UBE2H: variants seen among roughly 807,000 people sequenced by gnomAD.
UBE2H encodes the protein ubiquitin conjugating enzyme E2 H, also known as ubiquitin-conjugating enzyme E2 H.
Under a neutral mutation model 29.0 loss-of-function variants are expected in UBE2H, and 3 were observed. That is an observed-to-expected ratio of 0.10 (90% CI 0.05 to 0.27). The LOEUF (loss-of-function observed/expected upper bound fraction) is 0.27. Ranked by LOEUF, UBE2H falls within the 10% of genes least tolerant of loss-of-function variation. UBE2H has a pLI of 1.00. For synonymous variants in UBE2H, 69 were observed against 82.9 expected, an observed-to-expected ratio of 0.83 and a Z score of 0.91; for missense variants, 68 against 228.2, an observed-to-expected ratio of 0.30 and a Z score of 4.52.
rs184814140 is a variant in UBE2H, at chr7:129,899,329, T to A, written c.54-18358A>T. Among the ~76,000 whole-genome samples the A allele has an allele frequency of 5.3e-5, 8 of 152,340 alleles. No individual in the cohort carries two copies. In the East Asian group the frequency reaches 7.7e-4, roughly 15 times the overall value. Reference sequence around the variant, plus strand: ...AAAAAGGTTGCATCCAGTTACTTTCTAACTACCATCACCTAAGCAGACCTG... The same window carrying A: ...AAAAAGGTTGCATCCAGTTACTTTCAAACTACCATCACCTAAGCAGACCTG... On this transcript the variant is annotated intron_variant, in intron 1 of 6. Coordinates refer to ENST00000355621, the MANE Select transcript of UBE2H (RefSeq NM_003344.4).
chr7:129,944,342 G>A (rs909910783), intron 1 of UBE2H, among the ~76,000 whole-genome samples: 5 of 151,782 alleles, frequency 3.3e-5, no homozygotes, highest in Admixed American at 1.3e-4. Context: ...GCGACAGAGC[G>A]AAGACTCCGT....
chr7:129,880,305 G>A (rs997152597), intron 2 of UBE2H, among the ~76,000 whole-genome samples: 7 of 152,148 alleles, frequency 4.6e-5, no homozygotes, highest in African/African-American at 1.4e-4. Context: ...TCAGGAGTGC[G>A]AGACCAGCCT....
intron 1 of UBE2H, among the ~76,000 whole-genome samples, chr7:129,939,131 A>G (rs1807592271): frequency 6.6e-6 from 1 of 152,140 alleles, no homozygotes; most frequent in South Asian, 2.1e-4. Context: ...ATCAAGTACA[A>G]TTCACAGCTG....
At chr7:129,908,587 A>G (rs1341888538) in intron 1 of UBE2H, among the ~76,000 whole-genome samples, 1 of 152,248 alleles carries the variant, frequency 6.6e-6, no homozygotes, top group East Asian at 1.9e-4. Context: ...TTTGTTATGT[A>G]GATTACTAAG....
chr7:129,922,543 C>T (rs1343974887), intron 1 of UBE2H, among the ~76,000 whole-genome samples: 4 of 151,826 alleles, frequency 2.6e-5, no homozygotes, highest in African/African-American at 9.7e-5. Context: ...TCTCAAAATC[C>T]TGAGGTTACA....
intron 1 of UBE2H, among the ~76,000 whole-genome samples, chr7:129,945,956 A>G (rs1430856625): frequency 2.0e-5 from 3 of 151,782 alleles, no homozygotes; most frequent in African/African-American, 4.8e-5. Flanking sequence ...ACGTTAGTCA[A>G]GCAGGTCTCA....
intron 3 of UBE2H, among the ~76,000 whole-genome samples, chr7:129,869,318 C>A (rs974419269): frequency 6.6e-6 from 1 of 152,048 alleles, no homozygotes; most frequent in Non-Finnish European, 1.5e-5. Context: ...CTTTGTCATT[C>A]CCTCCACAAT....
intron 3 of UBE2H, among the ~76,000 whole-genome samples, chr7:129,864,227 C>CA (rs1354136553): frequency 6.6e-6 from 1 of 152,144 alleles, no homozygotes; most frequent in Non-Finnish European, 1.5e-5. Context: ...ATGATGCCAA[C>CA]AATGGAACTC....
chr7:129,850,230 G>A (rs903866069), intron 5 of UBE2H, among the ~76,000 whole-genome samples: 1 of 152,090 alleles, frequency 6.6e-6, no homozygotes, highest in African/African-American at 2.4e-5. Context: ...AGCCTGATGT[G>A]GTGGTGCATG....
intron 1 of UBE2H, among the ~76,000 whole-genome samples, chr7:129,925,046 A>C (rs920064319): frequency 1.3e-5 from 2 of 152,132 alleles, no homozygotes; most frequent in Admixed American, 6.6e-5. Context: ...CAGAACCCGA[A>C]AGACATAAGA....
chr7:129,831,121 C>T lies in UBE2H; in HGVS notation c.*3816G>A, dbSNP rs12690. 9,494 of 152,098 alleles carry T rather than the reference C, an allele frequency of 0.062. 369 individuals carry two copies. The highest frequency in any genetic ancestry group is 0.091 in the Non-Finnish European group (6,209 of 67,984). 9.4% of individuals were successfully genotyped at this position (152,098 alleles called of 1,614,324 possible). ...CCGGCTCCCCCTTCTCAAAGGGCTT[C>T]CTCCCACTCATCCCATCCCTAACAG... is the stretch of plus-strand genomic sequence containing the variant. On this transcript the variant is annotated 3_prime_UTR_variant, in exon 7 of 7. Coordinates refer to ENST00000355621, the MANE Select transcript of UBE2H (RefSeq NM_003344.4).
chr7:129,864,083 T>G (rs1345357745), intron 3 of UBE2H, among the ~76,000 whole-genome samples: 1 of 152,214 alleles, frequency 6.6e-6, no homozygotes, highest in African/African-American at 2.4e-5. Context: ...CGTGAGCCAC[T>G]GCACCTGGCC....
At chr7:129,861,081 T>A (rs923383976) in intron 3 of UBE2H, among the ~76,000 whole-genome samples, 1 of 151,952 alleles carries the variant, frequency 6.6e-6, no homozygotes, top group African/African-American at 2.4e-5. Flanking sequence ...AAAAATTAGC[T>A]GAGTGTGGTG....
At chr7:129,846,403 T>C (rs1805512790) in intron 5 of UBE2H, among the ~76,000 whole-genome samples, 1 of 151,284 alleles carries the variant, frequency 6.6e-6, no homozygotes, top group Admixed American at 6.6e-5. Context: ...CATGGTGGCA[T>C]GTGCCTGTGG....
chr7:129,839,648 A>C (rs1252839577), intron 5 of UBE2H: 9 of 283,672 alleles, frequency 3.2e-5, no homozygotes, highest in Non-Finnish European at 6.0e-5. Context: ...AAAACCCCCC[A>C]CTCTGAAAGG....
chr7:129,831,204 G>T lies in UBE2H; in HGVS notation c.*3733C>A, dbSNP rs1194067369. 2.0e-5 allele frequency: 3 copies of T among 152,222 alleles called. No homozygotes were observed. Among genetic ancestry groups the T allele is most frequent in the Non-Finnish European group, 4.4e-5 (3 of 68,040 alleles). 9.4% of individuals were successfully genotyped at this position (152,222 alleles called of 1,614,324 possible). On this transcript the variant is annotated 3_prime_UTR_variant, in exon 7 of 7. Coordinates refer to ENST00000355621, the MANE Select transcript of UBE2H (RefSeq NM_003344.4). ...ACAAACATGGATTCAGAAGTCCAAA[G>T]AAATGCAGTTCGTTGCGCCCAATCA...
intron 5 of UBE2H, among the ~76,000 whole-genome samples, chr7:129,851,580 G>A (rs1428932808): frequency 6.6e-6 from 1 of 152,114 alleles, no homozygotes; most frequent in Non-Finnish European, 1.5e-5. Flanking sequence ...ACAAATCAAG[G>A]TTACATTTAC....
At chr7:129,924,758 T>C (rs1807230905) in intron 1 of UBE2H, among the ~76,000 whole-genome samples, 1 of 151,790 alleles carries the variant, frequency 6.6e-6, no homozygotes, top group Non-Finnish European at 1.5e-5. Context: ...AGGACACAGA[T>C]AACCCAAGAA....
At chr7:129,925,177 G>A (rs1223380465) in intron 1 of UBE2H, among the ~76,000 whole-genome samples, 4 of 151,802 alleles carry the variant, frequency 2.6e-5, no homozygotes, top group Admixed American at 1.3e-4. Flanking sequence ...GAGAAACCCC[G>A]TCTCTACTAA....
Sources: gnomAD v4.1 joint callset for allele counts (sites outside exome capture counted in the v4.1 genomes callset) on GRCh38, gnomAD v4.1.1 for gene constraint, MANE v1.5 for transcripts, NCBI Gene and HGNC (gene_info 2026-07-23, HGNC 2026-07-21) for gene names.